The following ABHD2 variants were observed in gnomAD, a reference collection of about 807,000 sequenced individuals.
ABHD2 encodes monoacylglycerol lipase ABHD2.
In ABHD2, 20 loss-of-function variants were observed where a neutral mutation model predicts 48.1. The ratio of observed to expected loss-of-function variants is 0.42; its 90% CI spans 0.29 to 0.60. The LOEUF (loss-of-function observed/expected upper bound fraction) is 0.60. Among genes scored for constraint, ABHD2 ranks in the 20% least tolerant of loss-of-function variants. The pLI is 0.24. For missense variants in ABHD2, 405 were observed against 550.9 expected (o/e 0.74, Z 2.65); for synonymous variants, 209 against 214.2 (o/e 0.98, Z 0.21).
At chr15:89,121,761 A>G (rs1468866069) in intron 3 of ABHD2, among the ~76,000 whole-genome samples, 1 of 151,998 alleles carries the variant, frequency 6.6e-6, no homozygotes, top group Non-Finnish European at 1.5e-5. Flanking sequence ...TTGTTTCCCC[A>G]CTATCCCAGA....
At chr15:89,169,987 A>G (rs565593982) in intron 5 of ABHD2, among the ~76,000 whole-genome samples, 8 of 148,800 alleles carry the variant, frequency 5.4e-5, no homozygotes, top group South Asian at 4.4e-4. Context: ...CTTAAAACCC[A>G]AGCAAACACG....
chr15:89,047,668 T>C, the ABHD2 span, among the ~76,000 whole-genome samples: 1 of 151,438 alleles, frequency 6.6e-6, no homozygotes, highest in African/African-American at 2.4e-5. Flanking sequence ...TCTTTGTCTC[T>C]TTTGATCTTT....
chr15:89,098,397 C>A (rs545800340), intron 1 of ABHD2, among the ~76,000 whole-genome samples: 1 of 152,200 alleles, frequency 6.6e-6, no homozygotes, highest in South Asian at 2.1e-4. Context: ...AGCTCTTTCC[C>A]TGCTGGACGC....
intron 6 of ABHD2, among the ~76,000 whole-genome samples, chr15:89,178,548 G>A (rs898030224): frequency 3.3e-5 from 5 of 152,144 alleles, no homozygotes; most frequent in South Asian, 2.1e-4. Context: ...TTCTCCTCCC[G>A]TAGCTCACCT....
the ABHD2 span, among the ~76,000 whole-genome samples, chr15:89,081,521 A>G: frequency 0.045 from 6,826 of 152,236 alleles, 498 homozygotes; most frequent in African/African-American, 0.16. Context: ...TGATTATAGA[A>G]TAGCACATGG....
At position 89,116,262 on chromosome 15, in the gene ABHD2, G is replaced by A. The variant is rs2049958393; in HGVS notation, c.-6-60G>A. On this transcript the variant is annotated intron_variant, in intron 2 of 10. Coordinates refer to ENST00000352732, the MANE Select transcript of ABHD2 (RefSeq NM_152924.5). The surrounding 1 kb of genome is among the most constrained non-coding windows in gnomAD (Gnocchi z 4.6). ...TTAGCCCACCATGCGTCTGTAGGGT[G>A]GTGGGCACCACCCGTCCTCACTGTG... 1 of 1,498,818 alleles carries A rather than the reference G, an allele frequency of 6.7e-7. No individual in the cohort carries two copies. Among genetic ancestry groups the A allele is most frequent in the Non-Finnish European group, 9.1e-7 (1 of 1,097,630 alleles). The allele number at this position is 1,498,818 out of a possible 1,614,324, so 92.8% of individuals were successfully genotyped here. A position where few individuals can be genotyped will look rare whatever the true frequency, so the allele number is the denominator to read the frequency against.
the ABHD2 span, among the ~76,000 whole-genome samples, chr15:89,059,577 T>G: frequency 6.6e-6 from 1 of 152,146 alleles, no homozygotes; most frequent in Admixed American, 6.5e-5. Flanking sequence ...GAACCATGAA[T>G]TGGAGAATTT....
At chr15:89,069,678 T>TTTTTTTTTTC in the ABHD2 span, among the ~76,000 whole-genome samples, 1 of 105,948 alleles carries the variant, frequency 9.4e-6, no homozygotes, top group Non-Finnish European at 1.9e-5. Flanking sequence ...TTTACTCTTT[T>TTTTTTTTTTC]TTTTTTTTTT....
In ABHD2 at chr15:89,194,437, ACT is replaced by A. The variant is rs551221637; in HGVS notation, c.1082-787_1082-786del. Among the ~76,000 whole-genome samples the A allele has an allele frequency of 1.5e-4, 23 of 152,086 alleles. No individual in the cohort carries two copies. The South Asian group carries it at 4.1e-3, about 27-fold the overall frequency. ...AGAGTGGAGGTTGCAGTGAGCTGAG[ACT>A]CTGTCCCAAAAAAATAAAAAATAAA... On this transcript the variant is annotated intron_variant, in intron 10 of 10. Coordinates refer to ENST00000352732, the MANE Select transcript of ABHD2 (RefSeq NM_152924.5).
the ABHD2 span, among the ~76,000 whole-genome samples, chr15:89,045,343 C>T: frequency 2.6e-5 from 4 of 152,144 alleles, no homozygotes; most frequent in South Asian, 6.2e-4. Context: ...TAGTGTGACG[C>T]CTCCAGCTTT....
chr15:89,047,994 G>A, the ABHD2 span, among the ~76,000 whole-genome samples: 11 of 151,422 alleles, frequency 7.3e-5, no homozygotes, highest in South Asian at 8.3e-4. Flanking sequence ...TCCTAGTCTC[G>A]ATGGTCTTTA....
intron 9 of ABHD2, among the ~76,000 whole-genome samples, chr15:89,192,447 C>A (rs955171924): frequency 3.9e-5 from 6 of 151,984 alleles, no homozygotes; most frequent in African/African-American, 1.4e-4. Flanking sequence ...GCAACCCTGC[C>A]AACGGTTTTC....
At chr15:89,098,241 A>G (rs1475719187) in intron 1 of ABHD2, among the ~76,000 whole-genome samples, 2 of 152,148 alleles carry the variant, frequency 1.3e-5, no homozygotes, top group Non-Finnish European at 2.9e-5. Flanking sequence ...CATGTATTCA[A>G]TTATGTCATT....
the ABHD2 span, among the ~76,000 whole-genome samples, chr15:89,052,538 G>GACACAC: frequency 8.5e-4 from 110 of 129,026 alleles, 2 homozygotes; most frequent in African/African-American, 3.5e-3. Context: ...CAGACAGACA[G>GACACAC]ACAGACAGAC....
upstream of ABHD2, among the ~76,000 whole-genome samples, chr15:89,084,578 C>A (rs1208227136): frequency 1.3e-5 from 2 of 152,166 alleles, no homozygotes; most frequent in African/African-American, 4.8e-5. This position sits in a 1 kb window ranked among gnomAD's most constrained non-coding sequence, Gnocchi z 4.4. Flanking sequence ...GGATTACAGG[C>A]ATGAGCCACG....
At chr15:89,046,855 G>T in the ABHD2 span, among the ~76,000 whole-genome samples, 1 of 152,090 alleles carries the variant, frequency 6.6e-6, no homozygotes, top group Non-Finnish European at 1.5e-5. Context: ...CCAGCTCCTG[G>T]ATTCATTAAT....
the ABHD2 span, among the ~76,000 whole-genome samples, chr15:89,057,420 G>A: frequency 6.6e-6 from 1 of 152,170 alleles, no homozygotes; most frequent in Non-Finnish European, 1.5e-5. Context: ...TAGGGCAGGG[G>A]TTACACAGTG....
At chr15:89,190,124 G>A (rs919652024) in intron 8 of ABHD2, among the ~76,000 whole-genome samples, 1 of 152,174 alleles carries the variant, frequency 6.6e-6, no homozygotes, top group African/African-American at 2.4e-5. Flanking sequence ...GATGTCTAAT[G>A]AGATCCACAG....
At chr15:89,061,299 T>A in the ABHD2 span, among the ~76,000 whole-genome samples, 1 of 120,174 alleles carries the variant, frequency 8.3e-6, no homozygotes, top group Non-Finnish European at 2.1e-5. Context: ...GTGCCTGTAA[T>A]CCCAGCTACT....
Sources: gnomAD v4.1 joint callset for allele counts (sites outside exome capture counted in the v4.1 genomes callset) on GRCh38, gnomAD v4.1.1 for gene constraint, Gnocchi (gnomAD v3.1) non-coding constraint, MANE v1.5 for transcripts, NCBI Gene and HGNC (gene_info 2026-07-23, HGNC 2026-07-21) for gene names.